Variants in ATXN7L1 observed in about 807,000 individuals in gnomAD.
ATXN7L1 encodes the protein ataxin-7-like protein 1.
A neutral mutation model predicts 70.8 loss-of-function variants in ATXN7L1; 15 were observed. That is an observed-to-expected ratio of 0.21 (90% confidence interval 0.14 to 0.33). The LOEUF (loss-of-function observed/expected upper bound fraction) is 0.33, where lower values mean the gene tolerates loss of function less well. Ranked by LOEUF, ATXN7L1 falls within the 10% of genes least tolerant of loss-of-function variation. The pLI, the probability that ATXN7L1 is intolerant of heterozygous loss-of-function variation, is 1.00. For synonymous variants in ATXN7L1, 440 were observed against 445.1 expected, an observed-to-expected ratio of 0.99 and a Z score of 0.14; for missense variants, 975 against 1,097.1, an observed-to-expected ratio of 0.89 and a Z score of 1.57.
chr7:105,856,778 A>G (rs1336397758), intron 2 of ATXN7L1, among the ~76,000 whole-genome samples: 2 of 152,088 alleles, frequency 1.3e-5, no homozygotes, highest in East Asian at 1.9e-4. Flanking sequence ...TTAATTGGTC[A>G]GCAGCACCCA....
chr7:105,870,004 G>A (rs148359454), intron 2 of ATXN7L1, among the ~76,000 whole-genome samples: 1,682 of 152,166 alleles, frequency 0.011, 17 homozygotes, highest in Non-Finnish European at 0.015. Flanking sequence ...ATATCTGGCC[G>A]GGTGCGGTGG....
intron 7 of ATXN7L1, among the ~76,000 whole-genome samples, chr7:105,626,248 G>A (rs1308482010): frequency 6.6e-6 from 1 of 152,196 alleles, no homozygotes; most frequent in Non-Finnish European, 1.5e-5. Flanking sequence ...ACACTTGAAA[G>A]CATCACACTA....
At chr7:105,690,262 C>T (rs1271421078) in intron 3 of ATXN7L1, among the ~76,000 whole-genome samples, 3 of 152,176 alleles carry the variant, frequency 2.0e-5, no homozygotes, top group African/African-American at 4.8e-5. Context: ...GCCTCAGCCT[C>T]CCAAAGTGCT....
chr7:105,852,041 C>T (rs940833667), intron 2 of ATXN7L1, among the ~76,000 whole-genome samples: 1 of 152,198 alleles, frequency 6.6e-6, no homozygotes, highest in East Asian at 1.9e-4. Flanking sequence ...CTATGAGGCG[C>T]TTCCCTGGCT....
intron 3 of ATXN7L1, among the ~76,000 whole-genome samples, chr7:105,743,578 AT>A (rs1275181370): frequency 1.4e-5 from 2 of 140,756 alleles, no homozygotes; most frequent in African/African-American, 5.1e-5. Flanking sequence ...GAGAAAGCAG[AT>A]ATGATCGCTT....
Position 105,605,042 on chromosome 7 carries a change from C to CTGTTTTTT in ATXN7L1, c.*2809_*2810insAAAAAACA, listed in dbSNP as rs1792694647. On this transcript the variant is annotated 3_prime_UTR_variant, in exon 12 of 12. Transcript: ENST00000419735. ...GAAGGCATACAAGTTATCCAAGTCG[C>CTGTTTTTT]TTTTTTTTTTTTTTTTTTTTTTTTA... 1.4e-5 allele frequency: 1 copy of CTGTTTTTT among 71,554 alleles called. No homozygotes were observed. Among genetic ancestry groups the CTGTTTTTT allele is most frequent in the African/African-American group, 5.6e-5 (1 of 17,982 alleles). 4.4% of individuals were successfully genotyped at this position (71,554 alleles called of 1,614,324 possible). A position where few individuals can be genotyped will look rare whatever the true frequency, so the allele number is the denominator to read the frequency against.
intron 3 of ATXN7L1, among the ~76,000 whole-genome samples, chr7:105,715,929 G>A (rs951789249): frequency 4.6e-5 from 7 of 152,234 alleles, no homozygotes; most frequent in African/African-American, 1.7e-4. Flanking sequence ...TGACTGGAGC[G>A]TCCTAATTGG....
At chr7:105,692,196 G>A (rs911931899) in intron 3 of ATXN7L1, among the ~76,000 whole-genome samples, 2 of 152,098 alleles carry the variant, frequency 1.3e-5, no homozygotes, top group African/African-American at 4.8e-5. Context: ...GACACACTGC[G>A]GTTATTAGCA....
intron 3 of ATXN7L1, 65 bp from the exon 4 acceptor site, chr7:105,665,353 A>C: frequency 7.7e-7 from 1 of 1,293,524 alleles, no homozygotes; most frequent in Non-Finnish European, 1.1e-6. Flanking sequence ...CCACACACTC[A>C]CATACACTCA....
intron 3 of ATXN7L1, among the ~76,000 whole-genome samples, chr7:105,739,315 AC>A (rs1217149655): frequency 1.3e-5 from 2 of 152,066 alleles, no homozygotes; most frequent in East Asian, 3.9e-4. Context: ...GAAATGCCCC[AC>A]CCCAGACCCA....
intron 2 of ATXN7L1, among the ~76,000 whole-genome samples, chr7:105,792,604 G>C (rs1161558046): frequency 3.3e-5 from 5 of 152,266 alleles, no homozygotes; most frequent in Middle Eastern, 3.4e-3. Context: ...CAAAACGTTC[G>C]GTGCACAGTT....
At chr7:105,629,996 T>G (rs959636966) in intron 7 of ATXN7L1, among the ~76,000 whole-genome samples, 21 of 152,124 alleles carry the variant, frequency 1.4e-4, no homozygotes, top group African/African-American at 4.6e-4. Flanking sequence ...TTTTTTATTT[T>G]TAGTAGAGAG....
intron 3 of ATXN7L1, among the ~76,000 whole-genome samples, chr7:105,772,063 A>T (rs1354593714): frequency 6.0e-5 from 6 of 99,780 alleles, no homozygotes; most frequent in African/African-American, 1.4e-4. Context: ...TCAGATTGGA[A>T]TTTTTTTTTT....
rs755263171 is a variant in ATXN7L1 at position 105,613,978 on chromosome 7, T to C, written c.2356A>G (p.Ser786Gly). The C allele has an allele frequency of 5.8e-6, 9 of 1,552,216 alleles. No individual in the cohort carries two copies. The highest frequency in any genetic ancestry group is 1.4e-5 in the African/African-American group (1 of 73,076). The change falls in exon 10 of 12, where the codon AGT becomes GGT. Residue 786 changes from serine (S) to glycine (G), a missense_variant. Physicochemically the swap from Ser to Gly is moderately conservative, Grantham distance 56. Coordinates refer to ENST00000419735, the MANE Select transcript of ATXN7L1 (RefSeq NM_020725.2). ...EGKKRKNSSS[S>G]SKACKITKMP... ...TTAGTGATTTTACAGGCTTTGCTAC[T>C]AGAACTCGAGTTCTTACGCTTTTTT...
intron 2 of ATXN7L1, among the ~76,000 whole-genome samples, chr7:105,846,193 A>C (rs1245179035): frequency 6.6e-6 from 1 of 152,212 alleles, no homozygotes; most frequent in Non-Finnish European, 1.5e-5. Flanking sequence ...TAAATAAAGA[A>C]TTCTTAAAAC....
chr7:105,622,275 T>G (rs1795046891), intron 8 of ATXN7L1, among the ~76,000 whole-genome samples: 5 of 152,218 alleles, frequency 3.3e-5, no homozygotes, highest in Admixed American at 3.3e-4. Flanking sequence ...CCTGGCAGGT[T>G]GTCATCTGGA....
At chr7:105,700,225 G>C (rs1324008575) in intron 3 of ATXN7L1, among the ~76,000 whole-genome samples, 1 of 152,138 alleles carries the variant, frequency 6.6e-6, no homozygotes, top group Non-Finnish European at 1.5e-5. Flanking sequence ...GACAAGGGGG[G>C]CTGGGCGCGG....
intron 3 of ATXN7L1, among the ~76,000 whole-genome samples, chr7:105,712,018 C>T (rs1035226895): frequency 6.6e-6 from 1 of 152,246 alleles, no homozygotes; most frequent in African/African-American, 2.4e-5. Flanking sequence ...CAAATGCAGG[C>T]CCAACGTCAT....
intron 9 of ATXN7L1, chr7:105,618,039 T>G: frequency 2.2e-6 from 1 of 456,650 alleles, no homozygotes; most frequent in South Asian, 1.5e-5. Context: ...AGCAGATTGG[T>G]TAGGCAAGTC....
Sources: allele counts gnomAD v4.1 joint callset (sites outside exome capture counted in the v4.1 genomes callset), GRCh38; gene constraint gnomAD v4.1.1; transcripts MANE v1.5; gene names NCBI Gene and HGNC (gene_info 2026-07-23, HGNC 2026-07-21).